Variants in TAPBP observed in about 807,000 individuals in gnomAD.
TAPBP encodes the protein TAP binding protein, also known as tapasin.
In TAPBP, 38 loss-of-function variants were observed where a neutral mutation model predicts 45.7. The observed-to-expected ratio is 0.83, with a 90% CI of 0.64 to 1.09. The LOEUF is 1.09. Among genes scored for constraint, TAPBP ranks in the 50% least tolerant of loss-of-function variants. The pLI is 0.00. For missense variants in TAPBP, 513 were observed against 587.3 expected (o/e 0.87, Z 1.31); for synonymous variants, 226 against 254.8 (o/e 0.89, Z 1.08).
rs116127419 is a variant in TAPBP at position 33,303,189 on chromosome 6, C to T, written c.1335+766G>A. On this transcript the variant is annotated intron_variant, in intron 7 of 7. Coordinates refer to ENST00000434618, the MANE Select transcript of TAPBP (RefSeq NM_003190.5). ...CCAACGCTTTGGGAGGCCAAGGCAG[C>T]GGGCGGATCACCTGAGGTCGGGAGT... 4.8e-3 allele frequency among the ~76,000 whole-genome samples: 733 copies of T among 151,960 alleles called. 7 individuals carry two copies. Among genetic ancestry groups the T allele is most frequent in the African/African-American group, 0.017 (696 of 41,462 alleles).
intron 3 of TAPBP, among the ~76,000 whole-genome samples, chr6:33,311,979 T>C (rs1431007653): frequency 6.6e-6 from 1 of 152,240 alleles, no homozygotes; most frequent in East Asian, 1.9e-4. Context: ...TCCTAACTCA[T>C]TCTTGGTGCT....
rs561629511 is a variant in TAPBP at position 33,305,295 on chromosome 6, T to A, written c.562A>T (p.Thr188Ser). The A allele has an allele frequency of 8.6e-5, 135 of 1,575,696 alleles. No individual in the cohort carries two copies. Among genetic ancestry groups the A allele is most frequent in the South Asian group, 5.0e-4 (42 of 84,374 alleles). The change falls in exon 4 of 8, where the codon ACC becomes TCC. Residue 188 changes from threonine (T) to serine (S), a missense_variant. Coordinates refer to ENST00000434618, the MANE Select transcript of TAPBP (RefSeq NM_003190.5). This position sits in a 1 kb window ranked among gnomAD's most constrained non-coding sequence, Gnocchi z 4.4. ...LDLSFAYMPP[T>S]SEAASSLAPG... ...GCCAGAGATGAGGCGGCCTCGGAGG[T>A]GGGGGGCATGTAGGCAAAGCTCAAG...
Position 33,301,617 on chromosome 6 carries a change from GAAA to G in TAPBP, c.*140_*142del. On this transcript the variant is annotated 3_prime_UTR_variant, in exon 8 of 8. Transcript: ENST00000434618. The stretch of plus-strand genomic sequence containing the variant: ...AAAATTATCCCTTATATAAGTGAAA[GAAA>G]AAAAAAAAAGCATTCCAGCCACTCA... 8 of 561,038 alleles carry G rather than the reference GAAA, an allele frequency of 1.4e-5. No homozygotes were observed. Among genetic ancestry groups the G allele is most frequent in the South Asian group, 2.3e-5 (1 of 44,004 alleles). The allele number at this position is 561,038 out of a possible 1,614,324, so 34.8% of individuals were successfully genotyped here.
Position 33,313,770 on chromosome 6 carries a change from T to A in TAPBP, c.132A>T (p.Ala44=), listed in dbSNP as rs758966153. The A allele has an allele frequency of 6.2e-7, 1 of 1,613,670 alleles. No homozygotes were observed. Among genetic ancestry groups the A allele is most frequent in the Non-Finnish European group, 8.5e-7 (1 of 1,180,008 alleles). ...CCCCCGGTCCCTGGCGCAACAGCAG[T>A]GCACCGGGTCTCTTGGCCAGGCCCT... is the stretch of plus-strand genomic sequence containing the variant. ...SGKGLAKRPG[A]LLLRQGPGEP... The change falls in exon 2 of 8, where the codon GCA becomes GCT. Residue 44 remains alanine, a synonymous_variant. Coordinates refer to ENST00000434618, the MANE Select transcript of TAPBP (RefSeq NM_003190.5). The surrounding 1 kb of genome is among the most constrained non-coding windows in gnomAD (Gnocchi z 7.2).
intron 4 of TAPBP, 74 bp downstream of exon 4, chr6:33,304,915 T>A: frequency 6.4e-7 from 1 of 1,569,084 alleles, no homozygotes; most frequent in East Asian, 2.2e-5. Context: ...TTATCCATCA[T>A]CCCTCCCCCT....
chr6:33,303,977 G>A lies in TAPBP; in HGVS notation c.1313C>T (p.Ser438Phe), dbSNP rs1454615771. 1 of 1,613,856 alleles carries A rather than the reference G, an allele frequency of 6.2e-7. No homozygotes were observed. Among genetic ancestry groups the A allele is most frequent in the Admixed American group, 1.7e-5 (1 of 59,970 alleles). Residue 438 changes from serine to phenylalanine, a missense_variant, in exon 7 of 8, where the codon TCC becomes TTC. Ser to Phe is a radical substitution (Grantham distance 155, BLOSUM62 -2). Transcript: ENST00000434618. ...KALGWAAVYLSTCKDSKKKAE is the reference protein window; with the variant it reads ...KALGWAAVYLFTCKDSKKKAE The stretch of plus-strand genomic sequence containing the variant: ...TACCTTCTTTGAATCCTTGCAGGTG[G>A]ACAGGTAGACAGCTGTGGGGAAAGA...
intron 3 of TAPBP, among the ~76,000 whole-genome samples, chr6:33,309,450 TC>T (rs1769188540): frequency 6.6e-6 from 1 of 151,816 alleles, no homozygotes; most frequent in Non-Finnish European, 1.5e-5. Context: ...AGACTTGTAA[TC>T]CCAGTACCTT....
intron 3 of TAPBP, among the ~76,000 whole-genome samples, chr6:33,309,720 CTTTTTTTTTTT>C (rs141940039): frequency 4.3e-5 from 2 of 46,806 alleles, no homozygotes; most frequent in Non-Finnish European, 7.1e-5. Flanking sequence ...GACACCCAAC[CTTTTTTTTTTT>C]TTTTTTTTTT....
rs2150955667 is a variant in TAPBP at position 33,301,642 on chromosome 6, C to A, written c.*118G>T. 3 of 838,468 alleles carry A rather than the reference C, an allele frequency of 3.6e-6. No homozygotes were observed. Among genetic ancestry groups the A allele is most frequent in the Non-Finnish European group, 5.8e-6 (3 of 517,908 alleles). 51.9% of individuals were successfully genotyped at this position (838,468 alleles called of 1,614,324 possible). On this transcript the variant is annotated 3_prime_UTR_variant, in exon 8 of 8. Coordinates refer to ENST00000434618, the MANE Select transcript of TAPBP (RefSeq NM_003190.5). ...GAAAAAAAAAAAAGCATTCCAGCCA[C>A]TCAGTGGAGAGAGATTGGAGGGATT...
At position 33,313,452 on chromosome 6, in the gene TAPBP, G is replaced by A. The variant is rs1769520963; in HGVS notation, c.234C>T (p.Ala78=). ...GGGCGCCCCGGGGATACCGCCTGAA[G>A]GCAGCCTGGAGGGCGCCCGCGGGGT... The part of the protein sequence containing the change: ...VHDPAGALQA[A]FRRYPRGAPA... Residue 78 remains alanine, a synonymous_variant, in exon 3 of 8, where the codon GCC becomes GCT. Coordinates refer to ENST00000434618, the MANE Select transcript of TAPBP (RefSeq NM_003190.5). This position sits in a 1 kb window ranked among gnomAD's most constrained non-coding sequence, Gnocchi z 7.2. 6.3e-7 allele frequency: 1 copy of A among 1,588,474 alleles called. No individual in the cohort carries two copies. The highest frequency in any genetic ancestry group is 1.1e-5 in the South Asian group (1 of 89,194).
chr6:33,301,638 G>T lies in TAPBP; in HGVS notation c.*122C>A. On this transcript the variant is annotated 3_prime_UTR_variant, in exon 8 of 8. Coordinates refer to ENST00000434618, the MANE Select transcript of TAPBP (RefSeq NM_003190.5). ...GAAAGAAAAAAAAAAAAGCATTCCA[G>T]CCACTCAGTGGAGAGAGATTGGAGG... is the stretch of plus-strand genomic sequence containing the variant. The T allele has an allele frequency of 1.3e-6, 1 of 786,930 alleles. No individual in the cohort carries two copies. Among genetic ancestry groups the T allele is most frequent in the Non-Finnish European group, 2.1e-6 (1 of 481,858 alleles). 48.7% of individuals were successfully genotyped at this position (786,930 alleles called of 1,614,324 possible). A position where few individuals can be genotyped will look rare whatever the true frequency, so the allele number is the denominator to read the frequency against.
Position 33,313,931 on chromosome 6 carries a change from G to A in TAPBP, c.38-67C>T. ...GGTGACCTGCCCCACTCCCACCCTGGCATCGGCTCCAGTGGGGCCACCTCC... is the reference window on the plus strand; with the variant it reads ...GGTGACCTGCCCCACTCCCACCCTGACATCGGCTCCAGTGGGGCCACCTCC... On this transcript the variant is annotated intron_variant, in intron 1 of 7. Coordinates refer to ENST00000434618, the MANE Select transcript of TAPBP (RefSeq NM_003190.5). This position sits in a 1 kb window ranked among gnomAD's most constrained non-coding sequence, Gnocchi z 7.2. The A allele has an allele frequency of 1.2e-6, 2 of 1,612,748 alleles. No individual in the cohort carries two copies. Among genetic ancestry groups the A allele is most frequent in the Non-Finnish European group, 1.7e-6 (2 of 1,179,236 alleles).
intron 3 of TAPBP, among the ~76,000 whole-genome samples, chr6:33,309,232 A>G (rs978126599): frequency 5.2e-4 from 79 of 152,122 alleles, no homozygotes; most frequent in African/African-American, 1.6e-3. Context: ...CTAAAAATAC[A>G]GAATTATCCG....
In TAPBP at chr6:33,313,222, G is replaced by A; in HGVS notation, c.464C>T (p.Ala155Val). The change falls in exon 3 of 8, where the codon GCA (alanine) becomes GTA (valine). Residue 155 changes from alanine to valine, a missense_variant. Ala to Val is a moderately conservative substitution (Grantham distance 64). Transcript: ENST00000434618. This position sits in a 1 kb window ranked among gnomAD's most constrained non-coding sequence, Gnocchi z 7.2. The part of the protein sequence containing the change: ...PQQEPVLITM[A>V]TVVLTVLTHT... ...CACCTCCCCTCCCCAGCTACCTGTT[G>A]CCATGGTGATGAGAACAGGCTCCTG... is the stretch of plus-strand genomic sequence containing the variant. 1 of 1,605,244 alleles carries A rather than the reference G, an allele frequency of 6.2e-7. No homozygotes were observed. The highest frequency in any genetic ancestry group is 1.1e-5 in the South Asian group (1 of 90,808).
Position 33,304,379 on chromosome 6 carries a change from A to G in TAPBP, c.1128T>C (p.His376=), listed in dbSNP as rs377366674. 3.5e-5 allele frequency: 57 copies of G among 1,612,958 alleles called. No homozygotes were observed. The highest frequency in any genetic ancestry group is 4.4e-5 in the Non-Finnish European group (52 of 1,179,406). ...GAATTCGACAGGCATAGCGTGCCCCATGCTGCTCAGTGGTGACTGGGGGCG... is the reference window on the plus strand; with the variant it reads ...GAATTCGACAGGCATAGCGTGCCCCGTGCTGCTCAGTGGTGACTGGGGGCG... The part of the protein sequence containing the change: ...LQPPPVTTEQ[H]GARYACRIHH... Residue 376 remains histidine (H), a synonymous_variant, in exon 5 of 8, where the codon CAT becomes CAC. Coordinates refer to ENST00000434618, the MANE Select transcript of TAPBP (RefSeq NM_003190.5).
intron 3 of TAPBP, among the ~76,000 whole-genome samples, chr6:33,309,077 CT>C: frequency 8.6e-6 from 1 of 116,640 alleles, no homozygotes; most frequent in Non-Finnish European, 1.8e-5. Context: ...CAGAAACATA[CT>C]TTTGAATTGT....
At chr6:33,312,697 A>T (rs1322366323) in intron 3 of TAPBP, among the ~76,000 whole-genome samples, 1 of 152,244 alleles carries the variant, frequency 6.6e-6, no homozygotes, top group Non-Finnish European at 1.5e-5. Flanking sequence ...AGGCAAGGTC[A>T]ACGCGCTAGA....
In TAPBP at chr6:33,304,129, AG is replaced by A. The variant is rs1366502793; in HGVS notation, c.1298del (p.Ala433ValfsTer41). On this transcript the variant is annotated frameshift_variant and splice_region_variant, in exon 6 of 8. Transcript: ENST00000434618. LOFTEE classifies it high-confidence loss of function. ...GGTCAGGGTAGGGCTGACACTTACC[AG>A]CCCAGCCCAGTGCCTTGAAGAGCCC... ...LLGLFKALGW[A>X]AVYLSTCKDS... 2 of 1,613,262 alleles carry A rather than the reference AG, an allele frequency of 1.2e-6. No homozygotes were observed.
intron 3 of TAPBP, among the ~76,000 whole-genome samples, chr6:33,308,424 C>T (rs73410036): frequency 0.032 from 4,843 of 152,224 alleles, 234 homozygotes; most frequent in African/African-American, 0.11. Flanking sequence ...CTCTCACCTA[C>T]AGAACAAAGC....
Sources: gnomAD v4.1 joint callset for allele counts (sites outside exome capture counted in the v4.1 genomes callset) on GRCh38, gnomAD v4.1.1 for gene constraint, Gnocchi (gnomAD v3.1) non-coding constraint, MANE v1.5 for transcripts, NCBI Gene and HGNC (gene_info 2026-07-23, HGNC 2026-07-21) for gene names.